Variants in ARHGAP15 observed in about 807,000 individuals in gnomAD.
ARHGAP15 encodes Rho GTPase activating protein 15.
A neutral mutation model predicts 63.7 loss-of-function variants in ARHGAP15; 51 were observed. The observed-to-expected ratio is 0.80, with a 90% confidence interval of 0.64 to 1.01. The LOEUF is 1.01. Ranked by LOEUF, ARHGAP15 falls within the 50% of genes least tolerant of loss-of-function variation. The pLI is 0.00. For missense variants in ARHGAP15, 560 were observed against 564.6 expected (o/e 0.99, Z 0.08); for synonymous variants, 191 against 193.8 (o/e 0.99, Z 0.12).
At chr2:143,162,557 A>G (rs1323974366) in intron 2 of ARHGAP15, 3 of 152,036 alleles carry the variant, frequency 2.0e-5, no homozygotes, top group African/African-American at 7.2e-5. Context: ...GACATAAAGG[A>G]GAATTACTGA....
At chr2:143,615,621 T>C (rs1054545355) in intron 11 of ARHGAP15, among the ~76,000 whole-genome samples, 16 of 152,208 alleles carry the variant, frequency 1.1e-4, no homozygotes, top group African/African-American at 3.9e-4. Context: ...TATATGGGAA[T>C]TTATAGGACT....
In ARHGAP15 at chr2:143,673,754, G is replaced by GTATATATATATATATA. The variant is rs1166388931; in HGVS notation, c.1139-29664_1139-29663insATATATATATATATAT. 6.0e-4 allele frequency among the ~76,000 whole-genome samples: 19 copies of GTATATATATATATATA among 31,422 alleles called. No homozygotes were observed. The South Asian group carries it at 0.012, about 19-fold the overall frequency. The allele number at this position is 31,422 out of a possible 152,430, so 20.6% of individuals were successfully genotyped here. A position where few individuals can be genotyped will look rare whatever the true frequency, so the allele number is the denominator to read the frequency against. ...TGTGTGTGTGTGTGTGTGTGTGTGT[G>GTATATATATATATATA]TGTGTATATATATATATATATATAT... On this transcript the variant is annotated intron_variant, in intron 12 of 13. Transcript: ENST00000295095.
rs1301220038 is a variant in ARHGAP15, at chr2:143,274,556, T to C, written c.474+23956T>C. On this transcript the variant is annotated intron_variant, in intron 6 of 13. Transcript: ENST00000295095. Reference sequence around the variant, plus strand: ...GCCACTTTTAAACCATTGTTCACATTGTAATAGCCTTGTTATCAGGTTGTA... The same window carrying C: ...GCCACTTTTAAACCATTGTTCACATCGTAATAGCCTTGTTATCAGGTTGTA... Among the ~76,000 whole-genome samples, 3 of 152,352 alleles carry C rather than the reference T, an allele frequency of 2.0e-5. No individual in the cohort carries two copies. In the South Asian group the frequency reaches 6.2e-4, roughly 32 times the overall value.
At chr2:143,411,197 T>C (rs1688428945) in intron 6 of ARHGAP15, among the ~76,000 whole-genome samples, 1 of 151,354 alleles carries the variant, frequency 6.6e-6, no homozygotes. Context: ...AGAGCGAGAC[T>C]ATCTCAAAAA....
chr2:143,573,804 C>T lies in ARHGAP15; in HGVS notation c.1003+17319C>T, dbSNP rs187541017. 3.3e-5 allele frequency among the ~76,000 whole-genome samples: 5 copies of T among 152,102 alleles called. No homozygotes were observed. In the East Asian group the frequency reaches 9.7e-4, roughly 29 times the overall value. On this transcript the variant is annotated intron_variant, in intron 11 of 13. Coordinates refer to ENST00000295095, the MANE Select transcript of ARHGAP15 (RefSeq NM_018460.4). Reference sequence around the variant, plus strand: ...TGCACTCTTCCTTTACAAGAGGTAACCCAGTTCTAGTTGTTGGAAACGAGT... The same window carrying T: ...TGCACTCTTCCTTTACAAGAGGTAATCCAGTTCTAGTTGTTGGAAACGAGT...
chr2:143,425,023 G>A (rs1434586147), intron 6 of ARHGAP15, among the ~76,000 whole-genome samples: 3 of 152,062 alleles, frequency 2.0e-5, no homozygotes, highest in Non-Finnish European at 4.4e-5. Flanking sequence ...AGTGCCTTTT[G>A]CCTTCAGCAT....
At chr2:143,270,260 A>G (rs371514136) in intron 6 of ARHGAP15, among the ~76,000 whole-genome samples, 2 of 152,170 alleles carry the variant, frequency 1.3e-5, no homozygotes, top group Non-Finnish European at 2.9e-5. Context: ...CATATTTTTT[A>G]TGAAACTTCA....
intron 3 of ARHGAP15, among the ~76,000 whole-genome samples, chr2:143,209,113 T>C (rs980238399): frequency 1.3e-5 from 2 of 152,152 alleles, no homozygotes; most frequent in African/African-American, 4.8e-5. Flanking sequence ...TTTCTTGTTT[T>C]AAAACGAAGG....
chr2:143,622,716 T>C (rs1698684892), intron 11 of ARHGAP15, among the ~76,000 whole-genome samples: 1 of 150,900 alleles, frequency 6.6e-6, no homozygotes, highest in Non-Finnish European at 1.5e-5. Context: ...GTCTTCTCTT[T>C]GCAAACACAC....
In ARHGAP15 at chr2:143,174,659, C is replaced by G. The variant is rs535677896; in HGVS notation, c.165+19004C>G. On this transcript the variant is annotated intron_variant, in intron 2 of 13. Transcript: ENST00000295095. ...TAAGAACTGAGATGAGTTATGAATTCAGTTGAAGTGATAGAAATTATGCAG... is the reference window on the plus strand; with the variant it reads ...TAAGAACTGAGATGAGTTATGAATTGAGTTGAAGTGATAGAAATTATGCAG... 4.7e-4 allele frequency among the ~76,000 whole-genome samples: 72 copies of G among 152,024 alleles called. 1 individual carries two copies. Among genetic ancestry groups the G allele is most frequent in the African/African-American group, 1.7e-3 (72 of 41,510 alleles).
chr2:143,542,140 A>G (rs577227146), intron 10 of ARHGAP15, among the ~76,000 whole-genome samples: 60 of 152,292 alleles, frequency 3.9e-4, no homozygotes, highest in African/African-American at 1.3e-3. Flanking sequence ...CATGCTAGCA[A>G]TGAGCGAGGC....
intron 12 of ARHGAP15, among the ~76,000 whole-genome samples, chr2:143,643,992 C>CA (rs1410922485): frequency 2.0e-5 from 3 of 151,712 alleles, no homozygotes; most frequent in African/African-American, 7.3e-5. Context: ...GTTGTAGGGG[C>CA]AAAAAAGTAC....
chr2:143,414,430 C>T (rs1033517981), intron 6 of ARHGAP15, among the ~76,000 whole-genome samples: 1 of 151,862 alleles, frequency 6.6e-6, no homozygotes, highest in Non-Finnish European at 1.5e-5. Context: ...ATTAATAACT[C>T]AGAAAACATA....
chr2:143,374,566 G>A (rs1686719774), intron 6 of ARHGAP15, among the ~76,000 whole-genome samples: 1 of 152,062 alleles, frequency 6.6e-6, no homozygotes, highest in African/African-American at 2.4e-5. Context: ...TTGCAGTGAT[G>A]TGATCTTGGC....
At chr2:143,511,691 A>G (rs1693597547) in intron 9 of ARHGAP15, among the ~76,000 whole-genome samples, 1 of 152,188 alleles carries the variant, frequency 6.6e-6, no homozygotes, top group Non-Finnish European at 1.5e-5. Flanking sequence ...CCTGGAAAGC[A>G]GAATGCCTTT....
chr2:143,523,787 T>C (rs1694152743), intron 10 of ARHGAP15, among the ~76,000 whole-genome samples: 2 of 152,188 alleles, frequency 1.3e-5, no homozygotes, highest in South Asian at 4.1e-4. Context: ...GTACCCAAAC[T>C]ATTTTAAAAC....
At chr2:143,533,236 T>G (rs1361494180) in intron 10 of ARHGAP15, 2 of 152,234 alleles carry the variant, frequency 1.3e-5, no homozygotes, top group Admixed American at 1.3e-4. Flanking sequence ...CAAGATTTTT[T>G]TAACAAATGT....
chr2:143,704,556 A>T (rs569142202), intron 13 of ARHGAP15, among the ~76,000 whole-genome samples: 1 of 152,330 alleles, frequency 6.6e-6, no homozygotes, highest in African/African-American at 2.4e-5. Flanking sequence ...GTTGAGTAGG[A>T]AAAGCAGGTT....
chr2:143,594,975 G>A (rs10928187), intron 11 of ARHGAP15, among the ~76,000 whole-genome samples: 118,215 of 152,046 alleles, frequency 0.78, 46,028 homozygotes, highest in Non-Finnish European at 0.79. Flanking sequence ...AGACACAACC[G>A]TACAAGCAAA....
Sources: allele counts gnomAD v4.1 joint callset (sites outside exome capture counted in the v4.1 genomes callset), GRCh38; gene constraint gnomAD v4.1.1; transcripts MANE v1.5; gene names NCBI Gene and HGNC (gene_info 2026-07-23, HGNC 2026-07-21).